AGBL4: variants seen among roughly 807,000 people sequenced by gnomAD.
AGBL4 encodes the protein AGBL carboxypeptidase 4, also known as cytosolic carboxypeptidase 6.
AGBL4 carries 58 observed loss-of-function variants against 66.4 expected under a neutral mutation model. That is an observed-to-expected ratio of 0.87 (90% confidence interval 0.71 to 1.09). The LOEUF is 1.09. AGBL4 is among the 50% of genes least tolerant of loss of function. AGBL4 has a pLI of 0.00. For synonymous variants in AGBL4, 234 were observed against 222.9 expected (o/e 1.05, Z -0.44); for missense variants, 579 against 631.0 (o/e 0.92, Z 0.88).
intron 2 of AGBL4, among the ~76,000 whole-genome samples, chr1:49,735,296 G>GGGGTGTGT (rs1388288699): frequency 2.4e-5 from 3 of 127,312 alleles, no homozygotes; most frequent in South Asian, 2.4e-4. Flanking sequence ...GAGGTGTGTG[G>GGGGTGTGT]GTGTGTGTGT....
At chr1:49,661,866 A>G (rs894417601) in intron 3 of AGBL4, among the ~76,000 whole-genome samples, 2 of 152,114 alleles carry the variant, frequency 1.3e-5, no homozygotes, top group African/African-American at 4.8e-5. Flanking sequence ...TTGTATAGAA[A>G]TGTCCATACC....
chr1:49,522,270 G>T (rs1291678490), intron 3 of AGBL4, among the ~76,000 whole-genome samples: 1 of 151,946 alleles, frequency 6.6e-6, no homozygotes, highest in Admixed American at 6.6e-5. Flanking sequence ...CTGAGCCTTA[G>T]TTTTCTTATG....
At chr1:48,824,988 C>T (rs1349538799) in intron 6 of AGBL4, among the ~76,000 whole-genome samples, 1 of 152,210 alleles carries the variant, frequency 6.6e-6, no homozygotes, top group Admixed American at 6.5e-5. Flanking sequence ...CTGACCTCAG[C>T]ACATTGCTGT....
intron 5 of AGBL4, among the ~76,000 whole-genome samples, chr1:48,961,101 G>A (rs1298452657): frequency 6.6e-6 from 1 of 152,086 alleles, no homozygotes; most frequent in Non-Finnish European, 1.5e-5. Flanking sequence ...GTGTGTGTGT[G>A]TGTGTGCGTG....
chr1:48,609,353 G>A (rs1005497553), intron 9 of AGBL4, among the ~76,000 whole-genome samples: 1 of 152,144 alleles, frequency 6.6e-6, no homozygotes, highest in Admixed American at 6.5e-5. Flanking sequence ...CTAGCTTTAT[G>A]TCTTACCACT....
intron 4 of AGBL4, among the ~76,000 whole-genome samples, chr1:49,168,903 G>A (rs566141345): frequency 5.3e-5 from 8 of 152,252 alleles, no homozygotes; most frequent in Admixed American, 1.3e-4. Flanking sequence ...GCAGCCGCTG[G>A]GGACCAGGTG....
At chr1:48,693,340 C>T (rs1385380299) in intron 6 of AGBL4, among the ~76,000 whole-genome samples, 1 of 152,174 alleles carries the variant, frequency 6.6e-6, no homozygotes, top group Non-Finnish European at 1.5e-5. Flanking sequence ...CAGGCTAAAC[C>T]AGAGGTTACA....
intron 5 of AGBL4, among the ~76,000 whole-genome samples, chr1:49,016,797 G>A (rs1662860225): frequency 6.6e-6 from 1 of 152,182 alleles, no homozygotes; most frequent in African/African-American, 2.4e-5. Context: ...ATTGCCACTT[G>A]GAGCCCACCA....
intron 6 of AGBL4, chr1:48,727,780 G>A: frequency 4.5e-6 from 5 of 1,118,552 alleles, no homozygotes; most frequent in Non-Finnish European, 5.2e-6. Context: ...ATGGATCCCT[G>A]CACACACACC....
intron 2 of AGBL4, among the ~76,000 whole-genome samples, chr1:49,799,361 C>T (rs1160059700): frequency 2.0e-5 from 3 of 152,192 alleles, no homozygotes; most frequent in Admixed American, 2.0e-4. Flanking sequence ...TGAAGTCCAA[C>T]AGTTGAGATC....
chr1:48,928,262 A>G (rs930607131), intron 5 of AGBL4, among the ~76,000 whole-genome samples: 1 of 152,158 alleles, frequency 6.6e-6, no homozygotes, highest in Non-Finnish European at 1.5e-5. Context: ...CTTAATCAAC[A>G]TTAGGATTAG....
chr1:49,124,178 T>C (rs1054086619), intron 4 of AGBL4, among the ~76,000 whole-genome samples: 2 of 152,232 alleles, frequency 1.3e-5, no homozygotes, highest in East Asian at 3.9e-4. Flanking sequence ...AAAATACATA[T>C]ATAAATAAAT....
chr1:49,847,755 G>A (rs1381988562), intron 2 of AGBL4, among the ~76,000 whole-genome samples: 1 of 151,596 alleles, frequency 6.6e-6, no homozygotes, highest in African/African-American at 2.4e-5. Flanking sequence ...AGGCTGGAGG[G>A]CAGTGGCGCG....
At chr1:48,796,490 TCAGA>T (rs33957595) in intron 6 of AGBL4, among the ~76,000 whole-genome samples, 135,053 of 151,956 alleles carry the variant, frequency 0.89, 62,042 homozygotes, top group Non-Finnish European at 1. Context: ...CAGGCCACTC[TCAGA>T]CAGTGTATTG....
intron 6 of AGBL4, among the ~76,000 whole-genome samples, chr1:48,705,523 A>G (rs1182461020): frequency 1.3e-5 from 2 of 152,236 alleles, no homozygotes; most frequent in African/African-American, 4.8e-5. Flanking sequence ...TGAGGCAGAA[A>G]TATCATTACC....
chr1:48,555,384 T>A (rs1260996276), intron 11 of AGBL4, among the ~76,000 whole-genome samples: 2 of 152,138 alleles, frequency 1.3e-5, no homozygotes, highest in African/African-American at 4.8e-5. Context: ...TCCAGGTGAC[T>A]GGAAAAGTAA....
At chr1:48,759,494 G>A in intron 6 of AGBL4, 1 of 999,788 alleles carries the variant, frequency 1.0e-6, no homozygotes, top group Non-Finnish European at 1.4e-6. Flanking sequence ...AGTGGGGAAG[G>A]GGCTTGCCCA....
rs1047754959 is a variant in AGBL4, at chr1:48,865,023, C to G, written c.634+2168G>C. Among the ~76,000 whole-genome samples, 3 of 151,882 alleles carry G rather than the reference C, an allele frequency of 2.0e-5. No individual in the cohort carries two copies. The East Asian group carries it at 5.8e-4, about 30-fold the overall frequency. On this transcript the variant is annotated intron_variant, in intron 6 of 13. Transcript: ENST00000371839. Reference sequence around the variant, plus strand: ...AGATTAAGGCTTTCAAATTCCTGGTCAGCATTTCAGAAGGCTCCCAGTCTA... The same window carrying G: ...AGATTAAGGCTTTCAAATTCCTGGTGAGCATTTCAGAAGGCTCCCAGTCTA...
At chr1:48,810,367 T>C (rs1646021429) in intron 6 of AGBL4, among the ~76,000 whole-genome samples, 1 of 152,332 alleles carries the variant, frequency 6.6e-6, no homozygotes, top group East Asian at 1.9e-4. Context: ...TCCTCTTCCG[T>C]GCAAGATGTG....
Sources: gnomAD v4.1 joint callset for allele counts (sites outside exome capture counted in the v4.1 genomes callset) on GRCh38, gnomAD v4.1.1 for gene constraint, MANE v1.5 for transcripts, NCBI Gene and HGNC (gene_info 2026-07-23, HGNC 2026-07-21) for gene names.